PLEKHG1: variants seen among roughly 807,000 people sequenced by gnomAD.
PLEKHG1 encodes pleckstrin homology and RhoGEF domain containing G1.
A neutral mutation model predicts 100.8 loss-of-function variants in PLEKHG1; 44 were observed. That is an observed-to-expected ratio of 0.44 (90% CI 0.34 to 0.56). The LOEUF (loss-of-function observed/expected upper bound fraction) is 0.56, where lower values mean the gene tolerates loss of function less well. Among genes scored for constraint, PLEKHG1 ranks in the 20% least tolerant of loss-of-function variants. The pLI is 0.01. For synonymous variants in PLEKHG1, 640 were observed against 662.5 expected (o/e 0.97, Z 0.52); for missense variants, 1,545 against 1,720.9 (o/e 0.90, Z 1.81).
intron 1 of PLEKHG1, among the ~76,000 whole-genome samples, chr6:150,637,227 G>A (rs1165831097): frequency 2.0e-5 from 3 of 152,160 alleles, no homozygotes; most frequent in Admixed American, 6.6e-5. Context: ...CTGCGGAGCC[G>A]AGTAATAGAA....
rs1465507255 is a variant in PLEKHG1, at chr6:150,642,632, G to T, written c.-158+4507G>T. Among the ~76,000 whole-genome samples, 3 of 152,344 alleles carry T rather than the reference G, an allele frequency of 2.0e-5. No homozygotes were observed. The East Asian group carries it at 5.8e-4, about 29-fold the overall frequency. On this transcript the variant is annotated intron_variant, in intron 2 of 3. Transcript: ENST00000367326. ...TGTGCCAGCCATCCCACTGGCTAAAGGTCCTGTGATGGTAAGGACTGAATC... is the reference window on the plus strand; with the variant it reads ...TGTGCCAGCCATCCCACTGGCTAAATGTCCTGTGATGGTAAGGACTGAATC...
Position 150,809,486 on chromosome 6 carries a change from G to A in PLEKHG1, c.1191+10G>A, listed in dbSNP as rs777505892. The A allele has an allele frequency of 9.3e-5, 150 of 1,608,862 alleles. No individual in the cohort carries two copies. The highest frequency in any genetic ancestry group is 1.7e-4 in the Admixed American group (10 of 59,988). On this transcript the variant is annotated intron_variant, in intron 9 of 15. Transcript: ENST00000358517. ...GCAGCACACAGTCCAGGTAGCAGCC[G>A]GGCCCTGGCCTCTCCGCAAGGCCCC...
chr6:150,779,347 T>TGTTTTTTTTTTTTTTG (rs10653471), intron 3 of PLEKHG1, among the ~76,000 whole-genome samples: 52 of 128,412 alleles, frequency 4.0e-4, no homozygotes, highest in South Asian at 7.5e-4. Flanking sequence ...TCAAGAAGTT[T>TGTTTTTTTTTTTTTTG]TTTTTTTTTT....
intron 1 of PLEKHG1, among the ~76,000 whole-genome samples, chr6:150,608,689 G>C (rs999025159): frequency 1.3e-5 from 2 of 152,106 alleles, no homozygotes; most frequent in African/African-American, 4.8e-5. Context: ...ACCTATTATA[G>C]TACTAGTTTA....
At chr6:150,773,534 A>AAAAAAT (rs539660999) in intron 3 of PLEKHG1, among the ~76,000 whole-genome samples, 6 of 152,238 alleles carry the variant, frequency 3.9e-5, no homozygotes, top group Admixed American at 3.3e-4. Flanking sequence ...ACTCCGTCTC[A>AAAAAAT]AAAAATAAAA....
intron 3 of PLEKHG1, among the ~76,000 whole-genome samples, chr6:150,772,546 G>A (rs1784762082): frequency 6.6e-6 from 1 of 152,072 alleles, no homozygotes; most frequent in Non-Finnish European, 1.5e-5. Context: ...TTGAGCCCAG[G>A]AGTTTGAGAC....
chr6:150,766,369 G>A (rs1489947692), intron 2 of PLEKHG1, among the ~76,000 whole-genome samples: 2 of 152,216 alleles, frequency 1.3e-5, no homozygotes, highest in South Asian at 2.1e-4. Context: ...CATTTCGGGC[G>A]CAGAATGAAC....
At chr6:150,755,612 G>C (rs1783792545) in intron 2 of PLEKHG1, among the ~76,000 whole-genome samples, 1 of 152,168 alleles carries the variant, frequency 6.6e-6, no homozygotes, top group South Asian at 2.1e-4. Flanking sequence ...CCCCTGGAAT[G>C]ATGAGGAGAC....
At chr6:150,691,399 A>G (rs1780346557) in intron 3 of PLEKHG1, among the ~76,000 whole-genome samples, 1 of 152,222 alleles carries the variant, frequency 6.6e-6, no homozygotes, top group Non-Finnish European at 1.5e-5. Context: ...AAATAATGTT[A>G]TAAAGGACAG....
chr6:150,691,047 A>C (rs1332822397), intron 3 of PLEKHG1, among the ~76,000 whole-genome samples: 1 of 152,216 alleles, frequency 6.6e-6, no homozygotes, highest in African/African-American at 2.4e-5. Flanking sequence ...CGGTTGTCCT[A>C]CACAGAGTTG....
intron 5 of PLEKHG1, among the ~76,000 whole-genome samples, chr6:150,798,641 G>A (rs777504309): frequency 3.3e-5 from 5 of 152,218 alleles, no homozygotes; most frequent in Non-Finnish European, 7.3e-5. Flanking sequence ...AAATGCAATG[G>A]TGGAAGAGCA....
upstream of PLEKHG1, among the ~76,000 whole-genome samples, chr6:150,720,219 T>C (rs1233277947): frequency 6.6e-6 from 1 of 152,228 alleles, no homozygotes; most frequent in Non-Finnish European, 1.5e-5. Flanking sequence ...AGACCTTCGT[T>C]TAAAGAACTC....
At chr6:150,807,054 T>G (rs6908190) in intron 7 of PLEKHG1, among the ~76,000 whole-genome samples, 6,774 of 152,188 alleles carry the variant, frequency 0.045, 232 homozygotes, top group African/African-American at 0.095. Context: ...GTCATGTTTC[T>G]CAATGCTTGT....
intron 15 of PLEKHG1, among the ~76,000 whole-genome samples, chr6:150,834,297 C>G (rs1040577834): frequency 6.6e-6 from 1 of 152,144 alleles, no homozygotes; most frequent in Non-Finnish European, 1.5e-5. Flanking sequence ...GTTCCCGCTG[C>G]AGGAGGACAA....
chr6:150,607,960 T>C (rs55832181), intron 1 of PLEKHG1, among the ~76,000 whole-genome samples: 17,624 of 152,166 alleles, frequency 0.12, 1,256 homozygotes, highest in South Asian at 0.24. Flanking sequence ...TTTGTAGCTG[T>C]CTATATGAGA....
chr6:150,642,428 C>A (rs1778310026), intron 2 of PLEKHG1, among the ~76,000 whole-genome samples: 1 of 152,200 alleles, frequency 6.6e-6, no homozygotes, highest in Non-Finnish European at 1.5e-5. Context: ...TTCATAATCA[C>A]CTTCCTTTTC....
chr6:150,710,056 G>A (rs1781190850), intron 3 of PLEKHG1, among the ~76,000 whole-genome samples: 1 of 152,144 alleles, frequency 6.6e-6, no homozygotes, highest in Admixed American at 6.6e-5. Context: ...TAGTCATTAT[G>A]AAAACATAAT....
intron 1 of PLEKHG1, among the ~76,000 whole-genome samples, chr6:150,606,363 T>A (rs1431146541): frequency 2.0e-5 from 3 of 152,152 alleles, no homozygotes; most frequent in East Asian, 3.9e-4. Context: ...TTAACATAAA[T>A]ACTCCTTCTC....
chr6:150,770,149 G>A (rs963001359), intron 3 of PLEKHG1, among the ~76,000 whole-genome samples: 5 of 152,136 alleles, frequency 3.3e-5, no homozygotes, highest in Non-Finnish European at 7.4e-5. Context: ...TTGATTTTGC[G>A]ATAGTGAAAT....
Sources: gnomAD v4.1 joint callset for allele counts (sites outside exome capture counted in the v4.1 genomes callset) on GRCh38, gnomAD v4.1.1 for gene constraint, MANE v1.5 for transcripts, NCBI Gene and HGNC (gene_info 2026-07-23, HGNC 2026-07-21) for gene names.